Variants in FAM241A observed in about 807,000 individuals in gnomAD.
FAM241A encodes family with sequence similarity 241 member A, also known as uncharacterized protein FAM241A.
A neutral mutation model predicts 12.2 loss-of-function variants in FAM241A; 7 were observed. That is an observed-to-expected ratio of 0.58 (90% confidence interval 0.33 to 1.08). The LOEUF (loss-of-function observed/expected upper bound fraction) is 1.08, where lower values mean the gene tolerates loss of function less well. Ranked by LOEUF, FAM241A falls within the 50% of genes least tolerant of loss-of-function variation. FAM241A has a pLI of 0.04. For missense variants in FAM241A, 161 were observed against 169.7 expected, an observed-to-expected ratio of 0.95 and a Z score of 0.29; for synonymous variants, 74 against 68.2, an observed-to-expected ratio of 1.08 and a Z score of -0.42.
chr4:112,173,531 ATG>A (rs913280698), intron 1 of FAM241A, among the ~76,000 whole-genome samples: 2 of 152,180 alleles, frequency 1.3e-5, no homozygotes, highest in Non-Finnish European at 2.9e-5. Context: ...ACTTAATGAT[ATG>A]TGTGAAAGGA....
Position 112,192,870 on chromosome 4 carries a change from G to C in FAM241A, c.*5932G>C, listed in dbSNP as rs1724194917. ...CCTTTGAGTATATACCCAGTAATGG[G>C]ATGGCTGGGTCAAATGGTATTTCTA... On this transcript the variant is annotated 3_prime_UTR_variant, in exon 2 of 2. Coordinates refer to ENST00000309733, the MANE Select transcript of FAM241A (RefSeq NM_152400.3). The C allele has an allele frequency of 6.6e-6, 1 of 151,828 alleles. No homozygotes were observed. Among genetic ancestry groups the C allele is most frequent in the South Asian group, 2.1e-4 (1 of 4,816 alleles). 9.4% of individuals were successfully genotyped at this position (151,828 alleles called of 1,614,324 possible). A position where few individuals can be genotyped will look rare whatever the true frequency, so the allele number is the denominator to read the frequency against.
intron 1 of FAM241A, among the ~76,000 whole-genome samples, chr4:112,165,948 T>G (rs527525086): frequency 1.3e-5 from 2 of 152,290 alleles, no homozygotes; most frequent in Non-Finnish European, 2.9e-5. Context: ...CTTGAGGGGA[T>G]GGATACCCCA....
Position 112,145,696 on chromosome 4 carries a change from C to A in FAM241A, c.116C>A (p.Pro39Gln), listed in dbSNP as rs17852080. 8.4e-7 allele frequency: 1 copy of A among 1,196,524 alleles called. No individual in the cohort carries two copies. 74.1% of individuals were successfully genotyped at this position (1,196,524 alleles called of 1,614,324 possible). A position where few individuals can be genotyped will look rare whatever the true frequency, so the allele number is the denominator to read the frequency against. The change falls in exon 1 of 2, where the codon CCG becomes CAG. Residue 39 changes from proline to glutamine, a missense_variant. Physicochemically the swap from Pro to Gln is moderately conservative, Grantham distance 76. Transcript: ENST00000309733. ...AGTGWDPGAS[P>Q]RRRGQRPKES... ...ACCGGGTGGGATCCCGGGGCGAGCCCGCGGCGGCGCGGACAGCGGCCGAAG... is the reference window on the plus strand; with the variant it reads ...ACCGGGTGGGATCCCGGGGCGAGCCAGCGGCGGCGCGGACAGCGGCCGAAG...
At chr4:112,174,709 T>G (rs1465916109) in intron 1 of FAM241A, among the ~76,000 whole-genome samples, 2 of 152,196 alleles carry the variant, frequency 1.3e-5, no homozygotes, top group African/African-American at 2.4e-5. Context: ...GCAGGGCTCA[T>G]GTGCTAGGCT....
intron 1 of FAM241A, among the ~76,000 whole-genome samples, chr4:112,153,950 ATTTCT>A (rs1236854506): frequency 6.6e-6 from 1 of 152,128 alleles, no homozygotes; most frequent in Non-Finnish European, 1.5e-5. Flanking sequence ...GTGTTTGAGA[ATTTCT>A]TTTATTTCCT....
intron 1 of FAM241A, among the ~76,000 whole-genome samples, chr4:112,154,228 CT>C (rs377756071): frequency 2.6e-5 from 4 of 152,034 alleles, no homozygotes; most frequent in Non-Finnish European, 4.4e-5. Flanking sequence ...ATTTTGACTA[CT>C]TTTTTCCCCT....
At chr4:112,160,573 C>G (rs565065770) in intron 1 of FAM241A, among the ~76,000 whole-genome samples, 36 of 152,250 alleles carry the variant, frequency 2.4e-4, no homozygotes, top group African/African-American at 7.0e-4. Flanking sequence ...TTTATTTACA[C>G]TCACAGAAGT....
Position 112,195,009 on chromosome 4 carries a change from T to A in FAM241A, c.*8071T>A, listed in dbSNP as rs1724240769. The A allele has an allele frequency of 6.6e-6, 1 of 152,202 alleles. No individual in the cohort carries two copies. The highest frequency in any genetic ancestry group is 2.4e-5 in the African/African-American group (1 of 41,430). The allele number at this position is 152,202 out of a possible 1,614,324, so 9.4% of individuals were successfully genotyped here. ...GGATGGTCTCAATCGCTTGACCTCATGATCCGCCCGCCTCGGCCTCCCAAA... is the reference window on the plus strand; with the variant it reads ...GGATGGTCTCAATCGCTTGACCTCAAGATCCGCCCGCCTCGGCCTCCCAAA... On this transcript the variant is annotated 3_prime_UTR_variant, in exon 2 of 2. Coordinates refer to ENST00000309733, the MANE Select transcript of FAM241A (RefSeq NM_152400.3).
At chr4:112,160,051 A>G (rs1416538083) in intron 1 of FAM241A, among the ~76,000 whole-genome samples, 1 of 152,228 alleles carries the variant, frequency 6.6e-6, no homozygotes. Context: ...TCAAAAAACT[A>G]TTAGAACTGA....
chr4:112,152,789 G>A lies in FAM241A; in HGVS notation c.153+7056G>A, dbSNP rs186816836. Among the ~76,000 whole-genome samples the A allele has an allele frequency of 8.6e-5, 13 of 152,038 alleles. No individual in the cohort carries two copies. In the East Asian group the frequency reaches 2.3e-3, roughly 27 times the overall value. Reference sequence around the variant, plus strand: ...TATGACAGATCTAATTTTGAATCCCGGTTTTACTCTTTATTAGCCCCCGTG... The same window carrying A: ...TATGACAGATCTAATTTTGAATCCCAGTTTTACTCTTTATTAGCCCCCGTG... On this transcript the variant is annotated intron_variant, in intron 1 of 1. Coordinates refer to ENST00000309733, the MANE Select transcript of FAM241A (RefSeq NM_152400.3).
At position 112,165,040 on chromosome 4, in the gene FAM241A, A is replaced by G. The variant is rs374617718; in HGVS notation, c.153+19307A>G. Among the ~76,000 whole-genome samples the G allele has an allele frequency of 9.2e-5, 14 of 152,284 alleles. No homozygotes were observed. The South Asian group carries it at 1.2e-3, about 14-fold the overall frequency. ...TGAGCCTAGGAGTTCCTTCAAGACTACAGTGAGCTGTGATCGCACCACCGC... is the reference window on the plus strand; with the variant it reads ...TGAGCCTAGGAGTTCCTTCAAGACTGCAGTGAGCTGTGATCGCACCACCGC... On this transcript the variant is annotated intron_variant, in intron 1 of 1. Coordinates refer to ENST00000309733, the MANE Select transcript of FAM241A (RefSeq NM_152400.3).
intron 1 of FAM241A, among the ~76,000 whole-genome samples, chr4:112,183,014 A>G (rs1359031828): frequency 1.3e-5 from 2 of 151,114 alleles, no homozygotes; most frequent in African/African-American, 2.4e-5. Context: ...ACATTCTTAA[A>G]TGTCTTCCTT....
intron 1 of FAM241A, among the ~76,000 whole-genome samples, chr4:112,179,943 A>ATATATATATATATGTGTG: frequency 7.7e-6 from 1 of 129,514 alleles, no homozygotes. Flanking sequence ...ATATATGTAT[A>ATATATATATATATGTGTG]TGTGTGTGTG....
chr4:112,164,211 T>C lies in FAM241A; in HGVS notation c.153+18478T>C, dbSNP rs576352935. ...CACACCAACATGGCACATGTATACA[T>C]GTGTAACAAACCTACACATTTTGCA... On this transcript the variant is annotated intron_variant, in intron 1 of 1. Coordinates refer to ENST00000309733, the MANE Select transcript of FAM241A (RefSeq NM_152400.3). Among the ~76,000 whole-genome samples the C allele has an allele frequency of 7.3e-5, 11 of 151,440 alleles. No individual in the cohort carries two copies. In the South Asian group the frequency reaches 2.1e-3, roughly 29 times the overall value.
At chr4:112,153,885 A>C (rs1002682778) in intron 1 of FAM241A, among the ~76,000 whole-genome samples, 11 of 152,240 alleles carry the variant, frequency 7.2e-5, no homozygotes, top group Admixed American at 6.5e-4. Context: ...TAAGAAAGTT[A>C]AATTCCCATT....
intron 1 of FAM241A, among the ~76,000 whole-genome samples, chr4:112,155,780 A>G (rs1198432455): frequency 2.6e-5 from 4 of 152,176 alleles, no homozygotes; most frequent in African/African-American, 9.7e-5. Context: ...GTTTAGAGAT[A>G]TAGTGTATAA....
In FAM241A at chr4:112,189,514, C is replaced by T. The variant is rs1236900576; in HGVS notation, c.*2576C>T. 2 of 151,892 alleles carry T rather than the reference C, an allele frequency of 1.3e-5. No individual in the cohort carries two copies. The highest frequency in any genetic ancestry group is 2.9e-5 in the Non-Finnish European group (2 of 67,996). 9.4% of individuals were successfully genotyped at this position (151,892 alleles called of 1,614,324 possible). Reference sequence around the variant, plus strand: ...TGCTAAGGTTATTACATAATGCATACTCATATGGCCAGTAATTCAAAAGAA... The same window carrying T: ...TGCTAAGGTTATTACATAATGCATATTCATATGGCCAGTAATTCAAAAGAA... On this transcript the variant is annotated 3_prime_UTR_variant, in exon 2 of 2. Coordinates refer to ENST00000309733, the MANE Select transcript of FAM241A (RefSeq NM_152400.3).
In FAM241A at chr4:112,145,708, G is replaced by T; in HGVS notation, c.128G>T (p.Gly43Val). 1 of 1,195,508 alleles carries T rather than the reference G, an allele frequency of 8.4e-7. No individual in the cohort carries two copies. Among genetic ancestry groups the T allele is most frequent in the Non-Finnish European group, 1.0e-6 (1 of 964,792 alleles). The allele number at this position is 1,195,508 out of a possible 1,614,324, so 74.1% of individuals were successfully genotyped here. A position where few individuals can be genotyped will look rare whatever the true frequency, so the allele number is the denominator to read the frequency against. ...CCCGGGGCGAGCCCGCGGCGGCGCG[G>T]ACAGCGGCCGAAGGAGAGCGAGCAG... ...WDPGASPRRR[G>V]QRPKESEQDV... Residue 43 changes from glycine (G) to valine (V), a missense_variant, in exon 1 of 2, where the codon GGA becomes GTA. Physicochemically the swap from Gly to Val is moderately radical, Grantham distance 109 (BLOSUM62 -3). Coordinates refer to ENST00000309733, the MANE Select transcript of FAM241A (RefSeq NM_152400.3).
rs551245409 is a variant in FAM241A at position 112,159,290 on chromosome 4, T to G, written c.153+13557T>G. 5.3e-5 allele frequency among the ~76,000 whole-genome samples: 8 copies of G among 152,324 alleles called. No individual in the cohort carries two copies. The South Asian group carries it at 1.7e-3, about 32-fold the overall frequency. On this transcript the variant is annotated intron_variant, in intron 1 of 1. Transcript: ENST00000309733. ...TTCAATCTAGATTCTCAATTCTTTCTCACAATCCCCACTTCCAGTTCTCTA... is the reference window on the plus strand; with the variant it reads ...TTCAATCTAGATTCTCAATTCTTTCGCACAATCCCCACTTCCAGTTCTCTA...
Sources: gnomAD v4.1 joint callset for allele counts (sites outside exome capture counted in the v4.1 genomes callset) on GRCh38, gnomAD v4.1.1 for gene constraint, MANE v1.5 for transcripts, NCBI Gene and HGNC (gene_info 2026-07-23, HGNC 2026-07-21) for gene names.